PPP1R1C: variants seen among roughly 807,000 people sequenced by gnomAD.
PPP1R1C encodes the protein protein phosphatase 1 regulatory inhibitor subunit 1C.
Under a neutral mutation model 17.4 loss-of-function variants are expected in PPP1R1C, and 15 were observed. The ratio of observed to expected loss-of-function variants is 0.86; its 90% CI spans 0.58 to 1.33. PPP1R1C has a LOEUF of 1.33. Ranked by LOEUF, PPP1R1C falls within the 40% of genes most tolerant of loss-of-function variation. PPP1R1C has a pLI of 0.00. For missense variants in PPP1R1C, 143 were observed against 130.0 expected (o/e 1.10, Z -0.48); for synonymous variants, 35 against 43.1 (o/e 0.81, Z 0.73).
At chr2:182,063,822 T>G (rs753545833) in intron 4 of PPP1R1C, 31 bp downstream of exon 4, 1 of 1,572,824 alleles carries the variant, frequency 6.4e-7, no homozygotes, top group Non-Finnish European at 8.8e-7. Flanking sequence ...CGGGTTGTCA[T>G]GAGTGGTGAA....
chr2:182,040,358 A>AG (rs1231721394), intron 2 of PPP1R1C, among the ~76,000 whole-genome samples: 1 of 152,114 alleles, frequency 6.6e-6, no homozygotes, highest in African/African-American at 2.4e-5. Flanking sequence ...TGCAGGAGTA[A>AG]GGTGTATCTC....
intron 1 of PPP1R1C, among the ~76,000 whole-genome samples, chr2:181,966,295 A>G (rs1684902362): frequency 6.6e-6 from 1 of 152,026 alleles, no homozygotes; most frequent in South Asian, 2.1e-4. Flanking sequence ...GAGGCACTTT[A>G]TTTCTTTTTC....
At chr2:181,974,876 G>A (rs1361705041) in intron 1 of PPP1R1C, among the ~76,000 whole-genome samples, 1 of 152,160 alleles carries the variant, frequency 6.6e-6, no homozygotes, top group Admixed American at 6.5e-5. Context: ...ATATTTTAAA[G>A]TGCTTCACCA....
In PPP1R1C at chr2:182,062,012, A is replaced by C. The variant is rs1422204736; in HGVS notation, c.180+533A>C. Among the ~76,000 whole-genome samples the C allele has an allele frequency of 2.6e-5, 4 of 152,130 alleles. No individual in the cohort carries two copies. In the East Asian group the frequency reaches 5.8e-4, roughly 22 times the overall value. Reference sequence around the variant, plus strand: ...CTCTATTCCCTCCACATACATGTGTAGGAGTTTATATAGAAAATAGAAACC... The same window carrying C: ...CTCTATTCCCTCCACATACATGTGTCGGAGTTTATATAGAAAATAGAAACC... On this transcript the variant is annotated intron_variant, in intron 3 of 4. Coordinates refer to ENST00000682840, the MANE Select transcript of PPP1R1C (RefSeq NM_001080545.3).
chr2:182,058,725 G>C (rs1005930076), intron 2 of PPP1R1C, among the ~76,000 whole-genome samples: 1 of 152,084 alleles, frequency 6.6e-6, no homozygotes, highest in South Asian at 2.1e-4. Context: ...AACAGTATTA[G>C]ATATTATGTA....
At chr2:182,126,150 C>T (rs994773976) in intron 5 of PPP1R1C, among the ~76,000 whole-genome samples, 4 of 151,852 alleles carry the variant, frequency 2.6e-5, no homozygotes, top group Non-Finnish European at 5.9e-5. Context: ...CATAAATAAA[C>T]CATATATATT....
At chr2:182,030,220 G>A (rs1159345803) in intron 2 of PPP1R1C, among the ~76,000 whole-genome samples, 1 of 152,152 alleles carries the variant, frequency 6.6e-6, no homozygotes, top group African/African-American at 2.4e-5. Flanking sequence ...GCTCGTCAAA[G>A]TCATTCTCCA....
intron 2 of PPP1R1C, among the ~76,000 whole-genome samples, chr2:182,014,506 A>T (rs942141490): frequency 1.8e-4 from 28 of 151,898 alleles, no homozygotes; most frequent in African/African-American, 6.8e-4. Context: ...CCAGCACAGC[A>T]CCGAGTCTTG....
At chr2:182,038,064 G>A (rs1179582819) in intron 2 of PPP1R1C, among the ~76,000 whole-genome samples, 1 of 151,656 alleles carries the variant, frequency 6.6e-6, no homozygotes, top group African/African-American at 2.4e-5. Context: ...TTGAGATAAG[G>A]TCTCACTCTG....
chr2:181,972,866 T>C (rs1375490544), intron 1 of PPP1R1C, among the ~76,000 whole-genome samples: 2 of 152,234 alleles, frequency 1.3e-5, no homozygotes, highest in Non-Finnish European at 2.9e-5. Context: ...ACTCATTATT[T>C]GTACTGGAAA....
At chr2:182,112,100 C>T (rs1465367802) in intron 4 of PPP1R1C, among the ~76,000 whole-genome samples, 1 of 152,168 alleles carries the variant, frequency 6.6e-6, no homozygotes, top group East Asian at 1.9e-4. Context: ...AGCTTCATTA[C>T]ATGCACACCA....
intron 4 of PPP1R1C, among the ~76,000 whole-genome samples, chr2:182,112,327 T>TACCAA: frequency 6.6e-6 from 1 of 152,074 alleles, no homozygotes; most frequent in Admixed American, 6.6e-5. Context: ...ATCCTAGGAG[T>TACCAA]GTTCCTGGGC....
chr2:182,059,178 T>C (rs780585611), intron 2 of PPP1R1C, among the ~76,000 whole-genome samples: 126 of 152,258 alleles, frequency 8.3e-4, no homozygotes, highest in Admixed American at 1.9e-3. Flanking sequence ...TAGATGAGTT[T>C]TACATTTTCC....
chr2:182,122,695 A>G (rs1297839738), downstream of PPP1R1C, among the ~76,000 whole-genome samples: 3 of 152,180 alleles, frequency 2.0e-5, no homozygotes, highest in Admixed American at 2.0e-4. Context: ...ACTTTTAAAT[A>G]CGTAAGCCAA....
chr2:182,008,097 A>AT (rs1553502685), intron 2 of PPP1R1C, among the ~76,000 whole-genome samples: 10 of 150,536 alleles, frequency 6.6e-5, no homozygotes, highest in African/African-American at 2.5e-4. Context: ...ATAAAAAAAT[A>AT]AAATAAAATG....
chr2:182,117,217 T>G lies in PPP1R1C; in HGVS notation c.252T>G (p.His84Gln), dbSNP rs1238637254. 6 of 1,552,870 alleles carry G rather than the reference T, an allele frequency of 3.9e-6. No homozygotes were observed. Among genetic ancestry groups the G allele is most frequent in the Non-Finnish European group, 5.2e-6 (6 of 1,147,220 alleles). ...TTTTTATAATTTCAGGGGTTAAGCA[T>G]CTGAAAGGCCAGAATGAATCAGCAT... ...YTPPTIKGVK[H>Q]LKGQNESAFP... The change falls in exon 5 of 5, where the codon CAT becomes CAG. Residue 84 changes from histidine (H) to glutamine (Q), a missense_variant. Transcript: ENST00000682840.
At chr2:182,044,574 A>G (rs1405827303) in intron 2 of PPP1R1C, among the ~76,000 whole-genome samples, 1 of 152,316 alleles carries the variant, frequency 6.6e-6, no homozygotes, top group South Asian at 2.1e-4. Context: ...CCTTTAAGGA[A>G]AAAAATGATA....
intron 2 of PPP1R1C, among the ~76,000 whole-genome samples, chr2:182,041,880 T>C (rs527671960): frequency 6.6e-6 from 1 of 152,302 alleles, no homozygotes; most frequent in South Asian, 2.1e-4. Context: ...GGCAGCTTTA[T>C]AGTGCTTAAA....
intron 2 of PPP1R1C, among the ~76,000 whole-genome samples, chr2:182,018,187 T>C (rs1035564758): frequency 1.4e-4 from 22 of 152,172 alleles, no homozygotes; most frequent in African/African-American, 5.3e-4. Context: ...TAAGACCAAA[T>C]AAAAACATTG....
Sources: allele counts gnomAD v4.1 joint callset (sites outside exome capture counted in the v4.1 genomes callset), GRCh38; gene constraint gnomAD v4.1.1; transcripts MANE v1.5; gene names NCBI Gene and HGNC (gene_info 2026-07-23, HGNC 2026-07-21).